GALNTL5: variants seen among roughly 807,000 people sequenced by gnomAD.
GALNTL5 encodes the protein inactive polypeptide N-acetylgalactosaminyltransferase-like protein 5.
A neutral mutation model predicts 51.0 loss-of-function variants in GALNTL5; 44 were observed. The ratio of observed to expected loss-of-function variants is 0.86; its 90% CI spans 0.68 to 1.11. The LOEUF (loss-of-function observed/expected upper bound fraction) is 1.11. Among genes scored for constraint, GALNTL5 ranks in the 50% least tolerant of loss-of-function variants. The pLI is 0.00. For missense variants in GALNTL5, 528 were observed against 531.8 expected, an observed-to-expected ratio of 0.99 and a Z score of 0.07; for synonymous variants, 192 against 182.8, an observed-to-expected ratio of 1.05 and a Z score of -0.41.
chr7:152,014,834 C>T (rs374560907), intron 8 of GALNTL5, 41 bp downstream of exon 8: 16 of 1,551,792 alleles, frequency 1.0e-5, no homozygotes, highest in African/African-American at 5.5e-5. Flanking sequence ...TATGCGAGGC[C>T]GGAGCAGGAC....
intron 3 of GALNTL5, among the ~76,000 whole-genome samples, chr7:151,979,272 G>A (rs1274678418): frequency 2.1e-5 from 2 of 93,842 alleles, no homozygotes; most frequent in African/African-American, 8.8e-5. Flanking sequence ...ACCACGCCCA[G>A]CTAATTTTTT....
rs138720166 is a variant in GALNTL5, at chr7:151,983,280, C to T, written c.535+128C>T. ...GCAACCTCTGCCTCCTGAGTTCAAG[C>T]GATTCTCCTGCCTCAGCCTCCCGTG... On this transcript the variant is annotated intron_variant, in intron 4 of 8. Coordinates refer to ENST00000392800, the MANE Select transcript of GALNTL5 (RefSeq NM_145292.4). The T allele has an allele frequency of 4.0e-3, 3,078 of 762,916 alleles. 65 individuals are homozygous for T. In the African/African-American group the frequency reaches 0.041, roughly 10 times the overall value. The allele number at this position is 762,916 out of a possible 1,614,324, so 47.3% of individuals were successfully genotyped here.
intron 5 of GALNTL5, among the ~76,000 whole-genome samples, chr7:151,998,032 T>C (rs1286163788): frequency 1.3e-5 from 2 of 151,990 alleles, no homozygotes; most frequent in Non-Finnish European, 1.5e-5. Flanking sequence ...TGAGACACCA[T>C]CTCTACAAAA....
intron 5 of GALNTL5, among the ~76,000 whole-genome samples, chr7:151,993,733 C>A (rs981623052): frequency 2.6e-5 from 4 of 152,080 alleles, no homozygotes; most frequent in African/African-American, 7.2e-5. Flanking sequence ...GATCCTCCCA[C>A]CTTAGCCTCT....
chr7:151,962,998 G>A (rs73161833), intron 1 of GALNTL5, among the ~76,000 whole-genome samples: 21,781 of 152,110 alleles, frequency 0.14, 1,872 homozygotes, highest in Admixed American at 0.22. Flanking sequence ...AGTAATTTTT[G>A]TGAGCCCTTT....
chr7:151,972,521 C>T (rs2081157858), intron 3 of GALNTL5, among the ~76,000 whole-genome samples: 1 of 152,110 alleles, frequency 6.6e-6, no homozygotes, highest in African/African-American at 2.4e-5. Context: ...CAACTCCTCC[C>T]ATCACAGGCC....
chr7:152,014,280 T>C (rs2081776760), intron 7 of GALNTL5, among the ~76,000 whole-genome samples: 1 of 152,228 alleles, frequency 6.6e-6, no homozygotes. Context: ...GTTGTCGTTT[T>C]TTGTTTTTGA....
Position 151,983,063 on chromosome 7 carries a change from C to A in GALNTL5, c.446C>A (p.Ala149Asp). The A allele has an allele frequency of 1.2e-6, 2 of 1,614,140 alleles. No homozygotes were observed. Among genetic ancestry groups the A allele is most frequent in the Non-Finnish European group, 1.7e-6 (2 of 1,180,000 alleles). The change falls in exon 4 of 9, where the codon GCC (alanine) becomes GAC (aspartate). Residue 149 changes from alanine (A) to aspartate (D), a missense_variant. Coordinates refer to ENST00000392800, the MANE Select transcript of GALNTL5 (RefSeq NM_145292.4). ...TGCTTCTATAATGAAGAATGTAATG[C>A]CTTGTTTCAGACCATGTCCAGTGTC... Reference protein sequence around the residue: ...VICFYNEECNALFQTMSSVTN... With the variant: ...VICFYNEECNDLFQTMSSVTN...
At chr7:151,979,276 ATT>A (rs10681163) in intron 3 of GALNTL5, among the ~76,000 whole-genome samples, 1 of 131,432 alleles carries the variant, frequency 7.6e-6, no homozygotes. Context: ...CGCCCAGCTA[ATT>A]TTTTTTTTTT....
intron 8 of GALNTL5, among the ~76,000 whole-genome samples, chr7:152,015,712 G>A (rs1425454478): frequency 1.3e-5 from 2 of 152,066 alleles, no homozygotes; most frequent in Non-Finnish European, 2.9e-5. Context: ...CAAGCAATGT[G>A]GATGCTGCTG....
intron 1 of GALNTL5, among the ~76,000 whole-genome samples, chr7:151,958,408 G>T (rs758642070): frequency 6.6e-6 from 1 of 152,238 alleles, no homozygotes; most frequent in Non-Finnish European, 1.5e-5. Flanking sequence ...CCGCCACAGA[G>T]CCCCAAGGGG....
chr7:151,975,389 G>C (rs1473272942), intron 3 of GALNTL5, among the ~76,000 whole-genome samples: 2 of 151,916 alleles, frequency 1.3e-5, no homozygotes, highest in African/African-American at 4.8e-5. Context: ...ATGATTCTCT[G>C]TTTTTTCTGT....
chr7:152,013,516 T>C (rs1320265322), intron 7 of GALNTL5, among the ~76,000 whole-genome samples: 1 of 152,196 alleles, frequency 6.6e-6, no homozygotes, highest in East Asian at 1.9e-4. Context: ...CTTCTAGGCT[T>C]AGCCAGAATA....
chr7:151,966,123 A>C lies in GALNTL5; in HGVS notation c.-39-1085A>C, dbSNP rs575258350. ...ATATCACACCCTACTTGCTTTTTGCACATGATGTTTTTTAGACTTTACAGC... is the reference window on the plus strand; with the variant it reads ...ATATCACACCCTACTTGCTTTTTGCCCATGATGTTTTTTAGACTTTACAGC... On this transcript the variant is annotated intron_variant, in intron 1 of 8. Transcript: ENST00000392800. Among the ~76,000 whole-genome samples, 8 of 152,258 alleles carry C rather than the reference A, an allele frequency of 5.3e-5. No homozygotes were observed. In the South Asian group the frequency reaches 1.7e-3, roughly 32 times the overall value.
At chr7:151,978,689 C>G (rs2081236369) in intron 3 of GALNTL5, among the ~76,000 whole-genome samples, 1 of 152,198 alleles carries the variant, frequency 6.6e-6, no homozygotes, top group Non-Finnish European at 1.5e-5. Flanking sequence ...GGCAGGATTG[C>G]TCGCCTCTGA....
intron 3 of GALNTL5, among the ~76,000 whole-genome samples, chr7:151,980,852 T>C (rs936989818): frequency 5.7e-5 from 8 of 141,536 alleles, no homozygotes; most frequent in East Asian, 2.1e-4. Context: ...TTCACGCCAT[T>C]CTCCTGCCTC....
intron 1 of GALNTL5, among the ~76,000 whole-genome samples, chr7:151,964,117 C>T (rs763390674): frequency 5.3e-5 from 8 of 152,178 alleles, no homozygotes; most frequent in Non-Finnish European, 1.0e-4. Flanking sequence ...TGCCTTCGCG[C>T]TGTGCCCTCA....
At chr7:151,986,543 G>A (rs528345882) in intron 4 of GALNTL5, among the ~76,000 whole-genome samples, 98 of 152,054 alleles carry the variant, frequency 6.4e-4, no homozygotes, top group African/African-American at 2.0e-3. Context: ...ATTGAGGCAC[G>A]AGGATTGCTT....
intron 5 of GALNTL5, among the ~76,000 whole-genome samples, chr7:151,990,325 T>G (rs1214148269): frequency 6.6e-6 from 1 of 152,022 alleles, no homozygotes; most frequent in African/African-American, 2.4e-5. Context: ...ATTACAGGCA[T>G]GAGCCATTGT....
Sources: allele counts gnomAD v4.1 joint callset (sites outside exome capture counted in the v4.1 genomes callset), GRCh38; gene constraint gnomAD v4.1.1; transcripts MANE v1.5; gene names NCBI Gene and HGNC (gene_info 2026-07-23, HGNC 2026-07-21).